Variants in OTOGL observed in about 807,000 individuals in gnomAD.
OTOGL encodes otogelin like, also known as otogelin-like protein.
In OTOGL, 285 loss-of-function variants were observed where a neutral mutation model predicts 318.5. The ratio of observed to expected loss-of-function variants is 0.89; its 90% CI spans 0.81 to 0.99. The LOEUF (loss-of-function observed/expected upper bound fraction) is 0.99. OTOGL is among the 50% of genes least tolerant of loss of function. OTOGL has a pLI of 0.00. For missense variants in OTOGL, 2,899 were observed against 2,845.6 expected (o/e 1.02, Z -0.43); for synonymous variants, 987 against 936.5 (o/e 1.05, Z -0.99).
Position 80,378,032 on chromosome 12 carries a change from C to A in OTOGL, c.7046C>A (p.Thr2349Lys). Residue 2349 changes from threonine (T) to lysine (K), a missense_variant, in exon 59 of 59, where the codon ACG becomes AAG. Physicochemically the swap from Thr to Lys is moderately conservative, Grantham distance 78. Around this residue, in one of 3 missense-constraint regions of OTOGL, gnomAD observed 289 missense variants for 304.6 expected, o/e 0.95. Coordinates refer to ENST00000547103, the MANE Select transcript of OTOGL (RefSeq NM_001378609.3). ...MYTLQEPIDCTCQWN is the reference protein window; with the variant it reads ...MYTLQEPIDCKCQWN ...ACTCTCCAGGAACCCATAGACTGTA[C>A]GTGCCAGTGGAATTAAACCCTTGGG... 6.3e-7 allele frequency: 1 copy of A among 1,581,928 alleles called. No homozygotes were observed. Among genetic ancestry groups the A allele is most frequent in the South Asian group, 1.1e-5 (1 of 87,064 alleles).
chr12:80,247,338 C>T lies in OTOGL; in HGVS notation c.1053-4355C>T, dbSNP rs1344989328. On this transcript the variant is annotated intron_variant, in intron 11 of 58. Coordinates refer to ENST00000547103, the MANE Select transcript of OTOGL (RefSeq NM_001378609.3). ...TTCCCTCTACACACTGCTTTGAATG[C>T]GTCCCAGAGATTCTGGTATGTTGTG... 1.8e-3 allele frequency among the ~76,000 whole-genome samples: 250 copies of T among 139,692 alleles called. 5 individuals carry two copies. The highest frequency in any genetic ancestry group is 7.1e-3 in the African/African-American group (229 of 32,234). 91.6% of individuals were successfully genotyped at this position (139,692 alleles called of 152,430 possible).
chr12:80,207,379 A>G lies in OTOGL; in HGVS notation c.-19-2034A>G, dbSNP rs1244907. ...ACCACTCCCAGCTATTTTGTTTTGTATTTTTAGTAGAGACGGGGTTTTTCC... is the reference window on the plus strand; with the variant it reads ...ACCACTCCCAGCTATTTTGTTTTGTGTTTTTAGTAGAGACGGGGTTTTTCC... On this transcript the variant is annotated intron_variant, in intron 1 of 58. Transcript: ENST00000547103. Among the ~76,000 whole-genome samples, 627 of 152,012 alleles carry G rather than the reference A, an allele frequency of 4.1e-3. 3 individuals are homozygous for G. The highest frequency in any genetic ancestry group is 0.014 in the African/African-American group (586 of 41,448).
chr12:80,364,923 C>A (rs7314944), intron 52 of OTOGL, among the ~76,000 whole-genome samples: 108,264 of 151,834 alleles, frequency 0.71, 40,581 homozygotes, highest in Non-Finnish European at 0.84. Context: ...AGTGAGATAC[C>A]ACTTCACATC....
chr12:80,139,118 C>T (rs1456692698), intron 1 of OTOGL, among the ~76,000 whole-genome samples: 2 of 152,048 alleles, frequency 1.3e-5, no homozygotes, highest in East Asian at 1.9e-4. Context: ...AAGAAATATC[C>T]GTTTTGGTGG....
chr12:80,145,531 G>A (rs986088339), intron 1 of OTOGL, among the ~76,000 whole-genome samples: 1 of 151,742 alleles, frequency 6.6e-6, no homozygotes. Context: ...GGATTGACTT[G>A]GCGATGCGGG....
At chr12:80,217,497 CA>C in intron 4 of OTOGL, 100 bp from the exon 5 acceptor site, 2 of 802,390 alleles carry the variant, frequency 2.5e-6, no homozygotes, top group Non-Finnish European at 4.0e-6. Flanking sequence ...AGCACTTTAT[CA>C]TTTCTGTATT....
intron 35 of OTOGL, among the ~76,000 whole-genome samples, chr12:80,325,890 A>T (rs1423851586): frequency 1.3e-5 from 2 of 152,084 alleles, no homozygotes; most frequent in African/African-American, 4.8e-5. Flanking sequence ...ATGACGTGGG[A>T]TGATCAGTCT....
intron 1 of OTOGL, among the ~76,000 whole-genome samples, chr12:80,152,581 T>C (rs1872852597): frequency 6.6e-6 from 1 of 152,214 alleles, no homozygotes; most frequent in African/African-American, 2.4e-5. Flanking sequence ...TGTAAGGTAA[T>C]TTATAGTCAC....
chr12:80,126,611 C>T (rs1407857109), intron 1 of OTOGL, among the ~76,000 whole-genome samples: 3 of 152,118 alleles, frequency 2.0e-5, no homozygotes, highest in East Asian at 3.9e-4. Flanking sequence ...CTTTCTGTCT[C>T]ATTGATCTGT....
intron 24 of OTOGL, among the ~76,000 whole-genome samples, chr12:80,275,109 AC>A (rs1883700003): frequency 1.3e-5 from 2 of 152,002 alleles, no homozygotes; most frequent in African/African-American, 4.8e-5. Context: ...TTTAGGAAAT[AC>A]ATTTCACAGG....
At chr12:80,123,938 G>T (rs1032387821) in intron 1 of OTOGL, among the ~76,000 whole-genome samples, 2 of 152,048 alleles carry the variant, frequency 1.3e-5, no homozygotes, top group African/African-American at 2.4e-5. Context: ...CTGGATATTA[G>T]CTCTTTGTCA....
chr12:80,285,827 A>C (rs1350468268), intron 26 of OTOGL, among the ~76,000 whole-genome samples: 1 of 152,132 alleles, frequency 6.6e-6, no homozygotes, highest in Non-Finnish European at 1.5e-5. Context: ...AACCGAGACA[A>C]TTTGATGTTC....
At chr12:80,176,863 A>T (rs1874564501) in intron 1 of OTOGL, among the ~76,000 whole-genome samples, 1 of 152,138 alleles carries the variant, frequency 6.6e-6, no homozygotes, top group Non-Finnish European at 1.5e-5. Context: ...TCTTATAAGC[A>T]CTGTGTGAAA....
At chr12:80,220,255 C>G (rs1487988784) in intron 6 of OTOGL, among the ~76,000 whole-genome samples, 2 of 152,046 alleles carry the variant, frequency 1.3e-5, no homozygotes, top group Non-Finnish European at 2.9e-5. Flanking sequence ...TGCCTCCCAA[C>G]CTCAAGCGAT....
chr12:80,306,815 A>AT (rs1886148590), intron 29 of OTOGL, among the ~76,000 whole-genome samples: 5 of 106,410 alleles, frequency 4.7e-5, no homozygotes, highest in African/African-American at 1.9e-4. Context: ...TATTATTATT[A>AT]TTATTTTTTA....
At chr12:80,316,116 C>T (rs1020944105) in intron 32 of OTOGL, among the ~76,000 whole-genome samples, 2 of 152,138 alleles carry the variant, frequency 1.3e-5, no homozygotes, top group Admixed American at 6.5e-5. Flanking sequence ...TTGCCAAATT[C>T]ACTTGGCCAA....
chr12:80,335,685 T>C (rs1888346588), intron 38 of OTOGL, among the ~76,000 whole-genome samples: 1 of 152,044 alleles, frequency 6.6e-6, no homozygotes. Context: ...GCAAAAAAAC[T>C]AGGGAATTCA....
intron 35 of OTOGL, among the ~76,000 whole-genome samples, chr12:80,325,248 A>G (rs568651413): frequency 7.9e-5 from 12 of 152,288 alleles, no homozygotes; most frequent in Admixed American, 7.8e-4. Context: ...AATAGGTAAG[A>G]TCCAGCCCCT....
intron 28 of OTOGL, 45 bp from the exon 29 acceptor site, chr12:80,305,531 T>C: frequency 2.9e-6 from 4 of 1,386,290 alleles, no homozygotes; most frequent in Non-Finnish European, 3.7e-6. Context: ...CTTTAAATGT[T>C]AAAGTGAAAA....
Sources: allele counts gnomAD v4.1 joint callset (sites outside exome capture counted in the v4.1 genomes callset), GRCh38; gene constraint gnomAD v4.1.1; regional missense constraint gnomAD v4.1.1; transcripts MANE v1.5; gene names NCBI Gene and HGNC (gene_info 2026-07-23, HGNC 2026-07-21).